The following RSPH10B variants were observed in gnomAD, a reference collection of about 807,000 sequenced individuals.
RSPH10B encodes the protein radial spoke head 10 homolog B.
Under a neutral mutation model 52.5 loss-of-function variants are expected in RSPH10B, and 7 were observed. The observed-to-expected ratio is 0.13, with a 90% CI of 0.08 to 0.25. RSPH10B has a LOEUF of 0.25. Ranked by LOEUF, RSPH10B falls within the 10% of genes least tolerant of loss-of-function variation. The pLI is 1.00. For missense variants in RSPH10B, 89 were observed against 542.5 expected, an observed-to-expected ratio of 0.16 and a Z score of 8.30; for synonymous variants, 28 against 193.2, an observed-to-expected ratio of 0.14 and a Z score of 7.09.
At position 5,947,670 on chromosome 7, in the gene RSPH10B, G is replaced by A. The variant is rs1469757392; in HGVS notation, c.1414+550C>T. On this transcript the variant is annotated intron_variant, in intron 10 of 18. Transcript: ENST00000337579. The stretch of plus-strand genomic sequence containing the variant: ...ACAGAGGTTGCGGTGAGCCGAGATC[G>A]TGCCACTGCACTCCAGCCTGGGCAA... Among the ~76,000 whole-genome samples, 9 of 103,112 alleles carry A rather than the reference G, an allele frequency of 8.7e-5. 1 individual carries two copies. Among genetic ancestry groups the A allele is most frequent in the African/African-American group, 2.1e-4 (6 of 28,548 alleles). The allele number at this position is 103,112 out of a possible 152,430, so 67.6% of individuals were successfully genotyped here.
chr7:5,927,045 G>GTA lies in RSPH10B; in HGVS notation c.2433-499_2433-498dup, dbSNP rs371313038. ...TACGTGTGTGTGTGTGTGTGTGTGT[G>GTA]TATTATGTGTGTGTGTGTGTGTATA... On this transcript the variant is annotated intron_variant, in intron 18 of 18. Transcript: ENST00000337579. 4.1e-3 allele frequency among the ~76,000 whole-genome samples: 502 copies of GTA among 122,970 alleles called. 5 individuals carry two copies. Among genetic ancestry groups the GTA allele is most frequent in the African/African-American group, 8.4e-3 (294 of 35,078 alleles). The allele number at this position is 122,970 out of a possible 152,430, so 80.7% of individuals were successfully genotyped here. A position where few individuals can be genotyped will look rare whatever the true frequency, so the allele number is the denominator to read the frequency against.
intron 13 of RSPH10B, among the ~76,000 whole-genome samples, chr7:5,940,942 AATTATTATT>A (rs752116609): frequency 8.6e-3 from 385 of 44,926 alleles, no homozygotes; most frequent in Non-Finnish European, 0.015. Flanking sequence ...TAATAATAAT[AATTATTATT>A]ATTATTATTA....
chr7:5,961,277 C>T (rs1304603424), intron 3 of RSPH10B, among the ~76,000 whole-genome samples: 9 of 142,966 alleles, frequency 6.3e-5, no homozygotes, highest in African/African-American at 2.3e-4. Context: ...TGCTTGAGGC[C>T]GGGAATTTGA....
intron 17 of RSPH10B, among the ~76,000 whole-genome samples, chr7:5,930,909 G>A (rs369868363): frequency 0.13 from 8,804 of 66,810 alleles, 552 homozygotes; most frequent in Admixed American, 0.27. Flanking sequence ...ATCTAGAGGG[G>A]AAAGTGGGAG....
intron 13 of RSPH10B, among the ~76,000 whole-genome samples, chr7:5,941,787 T>C (rs1780205132): frequency 7.1e-6 from 1 of 141,370 alleles, no homozygotes; most frequent in Non-Finnish European, 1.6e-5. Flanking sequence ...ATAGTTAGTA[T>C]GAGAACATTG....
At chr7:5,947,860 TTG>T (rs201265529) in intron 10 of RSPH10B, among the ~76,000 whole-genome samples, 31,327 of 90,388 alleles carry the variant, frequency 0.35, 6,779 homozygotes, top group Middle Eastern at 0.43. Context: ...CCCCTGCCTT[TTG>T]TGTGTGTGTG....
At chr7:5,961,428 C>T (rs1425097654) in intron 3 of RSPH10B, among the ~76,000 whole-genome samples, 1 of 135,006 alleles carries the variant, frequency 7.4e-6, no homozygotes, top group African/African-American at 2.7e-5. Flanking sequence ...CAACCTCTGC[C>T]TCCCAGGTTC....
At chr7:5,927,068 A>ATTGTGTG (rs1162615266) in intron 18 of RSPH10B, among the ~76,000 whole-genome samples, 13 of 54,850 alleles carry the variant, frequency 2.4e-4, no homozygotes, top group African/African-American at 1.1e-3. Context: ...GTGTGTGTGT[A>ATTGTGTG]TATGTGTGTG....
intron 17 of RSPH10B, among the ~76,000 whole-genome samples, chr7:5,931,591 T>TA: frequency 6.6e-6 from 1 of 150,842 alleles, no homozygotes; most frequent in Non-Finnish European, 1.5e-5. Flanking sequence ...GCGGTTGGGC[T>TA]CATACCTGTA....
At chr7:5,950,095 G>GT (rs1477392056) in intron 9 of RSPH10B, among the ~76,000 whole-genome samples, 1 of 132,038 alleles carries the variant, frequency 7.6e-6, no homozygotes, top group East Asian at 2.2e-4. Context: ...ATCAATCAAT[G>GT]TAATTCACAG....
chr7:5,957,002 C>A (rs1321339538), intron 6 of RSPH10B, among the ~76,000 whole-genome samples: 2 of 37,664 alleles, frequency 5.3e-5, no homozygotes, highest in East Asian at 9.4e-4. Flanking sequence ...AGTGAGACCT[C>A]GTTTCTAAAA....
At chr7:5,968,880 C>T, upstream of RSPH10B, among the ~76,000 whole-genome samples, 1 of 45,750 alleles carries the variant, frequency 2.2e-5, no homozygotes, top group Non-Finnish European at 4.5e-5. Flanking sequence ...CCCTGTCCTG[C>T]AGGTTGGAAT....
chr7:5,931,727 G>A (rs369579075), intron 17 of RSPH10B, among the ~76,000 whole-genome samples: 1,621 of 151,086 alleles, frequency 0.011, 12 homozygotes, highest in African/African-American at 0.037. Flanking sequence ...GCCCAGGGGC[G>A]GGTGGGCTCA....
At chr7:5,968,499 G>GTTTATTTATTTATTTA (rs547046490), upstream of RSPH10B, among the ~76,000 whole-genome samples, 1,081 of 79,406 alleles carry the variant, frequency 0.014, 3 homozygotes, top group South Asian at 0.027. Flanking sequence ...CTATGGGTTT[G>GTTTATTTATTTATTTA]TTTATTTATT....
At chr7:5,960,904 GGGGGGT>G in intron 3 of RSPH10B, 40 bp from the exon 6 acceptor site, 5 of 1,062,102 alleles carry the variant, frequency 4.7e-6, no homozygotes, top group Non-Finnish European at 6.0e-6. Flanking sequence ...AGGAAGTGTT[GGGGGGT>G]GGGGGCGGGA....
intron 4 of RSPH10B, among the ~76,000 whole-genome samples, chr7:5,960,044 AACAC>A (rs748706641): frequency 2.8e-4 from 8 of 28,558 alleles, no homozygotes; most frequent in African/African-American, 1.3e-3. Flanking sequence ...TCTGCTGTAA[AACAC>A]ACACACACAC....
chr7:5,968,709 C>T (rs1392030940), upstream of RSPH10B, among the ~76,000 whole-genome samples: 11 of 67,780 alleles, frequency 1.6e-4, 1 homozygote, highest in Non-Finnish European at 2.9e-4. Flanking sequence ...GGGGTTTCAC[C>T]GGGTTAGCCA....
intron 16 of RSPH10B, among the ~76,000 whole-genome samples, chr7:5,933,570 T>C (rs1779880025): frequency 7.2e-6 from 1 of 138,180 alleles, no homozygotes; most frequent in Non-Finnish European, 1.6e-5. Flanking sequence ...CCATCCTGGC[T>C]AACATGGGTG....
rs1307516309 is a variant in RSPH10B at position 5,955,077 on chromosome 7, A to T, written c.957+928T>A. On this transcript the variant is annotated intron_variant, in intron 7 of 18. Coordinates refer to ENST00000337579, the Ensembl canonical transcript of RSPH10B. The stretch of plus-strand genomic sequence containing the variant: ...CTACTCTAGTGGCTGAGGCACAAGA[A>T]TCACTTGCGCCCGGGAGGCAGAGGT... Among the ~76,000 whole-genome samples, 4 of 137,692 alleles carry T rather than the reference A, an allele frequency of 2.9e-5. 1 individual carries two copies. The highest frequency in any genetic ancestry group is 6.2e-5 in the Non-Finnish European group (4 of 64,026). 90.3% of individuals were successfully genotyped at this position (137,692 alleles called of 152,430 possible).
Sources: allele counts gnomAD v4.1 joint callset (sites outside exome capture counted in the v4.1 genomes callset), GRCh38; gene constraint gnomAD v4.1.1; transcripts MANE v1.5; gene names NCBI Gene and HGNC (gene_info 2026-07-23, HGNC 2026-07-21).